HAP1: variants seen among roughly 807,000 people sequenced by gnomAD.
HAP1 encodes the protein huntingtin associated protein 1, also known as huntingtin-associated protein 1.
In HAP1, 59 loss-of-function variants were observed where a neutral mutation model predicts 60.3. The ratio of observed to expected loss-of-function variants is 0.98; its 90% CI spans 0.79 to 1.22. HAP1 has a LOEUF of 1.22. Ranked by LOEUF, HAP1 falls within the 50% of genes most tolerant of loss-of-function variation. The pLI is 0.00. For missense variants in HAP1, 825 were observed against 785.3 expected, an observed-to-expected ratio of 1.05 and a Z score of -0.60; for synonymous variants, 346 against 330.6, an observed-to-expected ratio of 1.05 and a Z score of -0.50.
Position 41,727,829 on chromosome 17 carries a change from G to C in HAP1, c.1208C>G (p.Ala403Gly), listed in dbSNP as rs74691434. ...KLQQRCRMYG[A>G]ETEKLQKQLA... ...CTGCTTCTGCAACTTTTCAGTCTCA[G>C]CCCCATACTGGAAGGACCCAAAACC... Residue 403 changes from alanine (A) to glycine (G), a missense_variant, in exon 8 of 11, where the codon GCT (alanine) becomes GGT (glycine). Transcript: ENST00000347901. 1 of 1,604,932 alleles carries C rather than the reference G, an allele frequency of 6.2e-7. No individual in the cohort carries two copies. Among genetic ancestry groups the C allele is most frequent in the Non-Finnish European group, 8.5e-7 (1 of 1,172,268 alleles).
In HAP1 at chr17:41,732,694, C is replaced by A. The variant is rs199665361; in HGVS notation, c.549+25G>T. The A allele has an allele frequency of 1.3e-4, 210 of 1,569,812 alleles. No individual in the cohort carries two copies. In the African/African-American group the frequency reaches 2.6e-3, roughly 20 times the overall value. ...AGGACAAAACTAGAATAAGGGCTTG[C>A]CTGGATCAGGAAGGCAGTACACACC... is the stretch of plus-strand genomic sequence containing the variant. On this transcript the variant is annotated intron_variant, in intron 2 of 10. Transcript: ENST00000347901.
At chr17:41,733,185 G>A (rs557437860) in intron 1 of HAP1, among the ~76,000 whole-genome samples, 3 of 150,812 alleles carry the variant, frequency 2.0e-5, no homozygotes, top group South Asian at 4.2e-4. Flanking sequence ...CCGAGTAGCT[G>A]GGGTTATACA....
chr17:41,730,605 C>G (rs1208258428), intron 6 of HAP1, among the ~76,000 whole-genome samples: 7 of 152,260 alleles, frequency 4.6e-5, no homozygotes, highest in African/African-American at 1.7e-4. Context: ...GCCTGGGGAC[C>G]AGTGGGGCCA....
At position 41,724,311 on chromosome 17, in the gene HAP1, G is replaced by A. The variant is rs1022001563; in HGVS notation, c.*390C>T. On this transcript the variant is annotated 3_prime_UTR_variant, in exon 11 of 11. Transcript: ENST00000347901. Reference sequence around the variant, plus strand: ...TGGCTGGCCCTGTCCTCCAGCCTGGGTCAGCCCCCGGGCTGCTCCACCATC... The same window carrying A: ...TGGCTGGCCCTGTCCTCCAGCCTGGATCAGCCCCCGGGCTGCTCCACCATC... The A allele has an allele frequency of 1.0e-4, 17 of 164,232 alleles. No homozygotes were observed. The East Asian group carries it at 2.7e-3, about 26-fold the overall frequency. The allele number at this position is 164,232 out of a possible 1,614,324, so 10.2% of individuals were successfully genotyped here.
chr17:41,727,702 G>T, intron 8 of HAP1, 60 bp downstream of exon 8: 1 of 1,142,850 alleles, frequency 8.8e-7, no homozygotes. Flanking sequence ...AGGGCCTGGG[G>T]TCCCCACTCT....
At chr17:41,733,994 G>A (rs1054146420) in intron 1 of HAP1, among the ~76,000 whole-genome samples, 172 bp downstream of exon 1, 2 of 152,194 alleles carry the variant, frequency 1.3e-5, no homozygotes, top group East Asian at 1.9e-4. Flanking sequence ...CAAGAGCAGA[G>A]GAGGAGATGG....
intron 10 of HAP1, 133 bp downstream of exon 10, chr17:41,725,726 A>G: frequency 1.3e-6 from 1 of 748,796 alleles, no homozygotes; most frequent in South Asian, 1.5e-5. Context: ...CCTTCCCAGA[A>G]CAGTTCTCAG....
chr17:41,724,500 G>C lies in HAP1; in HGVS notation c.*201C>G. The C allele has an allele frequency of 1.7e-6, 1 of 589,498 alleles. No homozygotes were observed. The highest frequency in any genetic ancestry group is 3.0e-5 in the Admixed American group (1 of 33,532). 36.5% of individuals were successfully genotyped at this position (589,498 alleles called of 1,614,324 possible). ...GGCACAGTCCCAGCCCTAACCCCCA[G>C]CCCAGCCCCCAGGAGAAAAGTGGAT... is the stretch of plus-strand genomic sequence containing the variant. On this transcript the variant is annotated 3_prime_UTR_variant, in exon 11 of 11. Coordinates refer to ENST00000347901, the MANE Select transcript of HAP1 (RefSeq NM_177977.3).
chr17:41,731,868 G>C (rs1912230090), intron 4 of HAP1, 69 bp downstream of exon 4: 1 of 818,912 alleles, frequency 1.2e-6, no homozygotes. Context: ...CATCACCTGT[G>C]TCCCTCTTAA....
At chr17:41,727,873 G>A (rs1425457998) in intron 7 of HAP1, 37 bp from the exon 8 acceptor site, 67 of 1,299,024 alleles carry the variant, frequency 5.2e-5, no homozygotes, top group East Asian at 6.9e-5. Context: ...CCCATCTGAG[G>A]CCTACCCACT....
downstream of HAP1, among the ~76,000 whole-genome samples, chr17:41,719,336 G>A (rs1488903066): frequency 2.0e-5 from 3 of 152,084 alleles, no homozygotes; most frequent in Non-Finnish European, 2.9e-5. Context: ...ACCATGGATT[G>A]AATGGACCAT....
chr17:41,725,572 C>T (rs2143197605), intron 10 of HAP1, among the ~76,000 whole-genome samples: 1 of 152,320 alleles, frequency 6.6e-6, no homozygotes, highest in South Asian at 2.1e-4. Flanking sequence ...GGGCCTTAGT[C>T]CCAGGTGTTC....
chr17:41,733,025 T>G lies in HAP1; in HGVS notation c.470-227A>C, dbSNP rs540507903. On this transcript the variant is annotated intron_variant, in intron 1 of 10. Coordinates refer to ENST00000347901, the MANE Select transcript of HAP1 (RefSeq NM_177977.3). ...CAAGTGGACAGGGTTTTTAGGTTTTTGGGTTTTTTTTGGTTTTTTTTTTTT... is the reference window on the plus strand; with the variant it reads ...CAAGTGGACAGGGTTTTTAGGTTTTGGGGTTTTTTTTGGTTTTTTTTTTTT... Among the ~76,000 whole-genome samples, 28 of 127,108 alleles carry G rather than the reference T, an allele frequency of 2.2e-4. 1 individual carries two copies. Among genetic ancestry groups the G allele is most frequent in the Admixed American group, 6.7e-4 (8 of 11,904 alleles). The allele number at this position is 127,108 out of a possible 152,430, so 83.4% of individuals were successfully genotyped here.
At chr17:41,726,968 G>A in intron 9 of HAP1, 85 bp downstream of exon 9, 1 of 692,402 alleles carries the variant, frequency 1.4e-6, no homozygotes, top group Non-Finnish European at 2.6e-6. Flanking sequence ...GGGAAGCGTG[G>A]AAGGTCAGAG....
intron 8 of HAP1, 41 bp from the exon 9 acceptor site, chr17:41,727,185 G>A: frequency 9.4e-7 from 1 of 1,061,224 alleles, no homozygotes; most frequent in Middle Eastern, 2.0e-4. Flanking sequence ...GACCCCCACA[G>A]AACCCCCACC....
Position 41,727,035 on chromosome 17 carries a change from A to C in HAP1, c.1367+18T>G. On this transcript the variant is annotated intron_variant, in intron 9 of 10. Transcript: ENST00000347901. ...AAGGCCATGGCCTATGGGGCAAGGG[A>C]GGGCCCCAGCCACGCACCTCTCCAT... The C allele has an allele frequency of 3.6e-5, 46 of 1,286,552 alleles. No homozygotes were observed. Among genetic ancestry groups the C allele is most frequent in the Non-Finnish European group, 5.0e-5 (45 of 900,984 alleles). The allele number at this position is 1,286,552 out of a possible 1,614,324, so 79.7% of individuals were successfully genotyped here.
chr17:41,726,346 G>A (rs915648965), intron 9 of HAP1, among the ~76,000 whole-genome samples: 13 of 151,176 alleles, frequency 8.6e-5, no homozygotes, highest in African/African-American at 2.7e-4. Context: ...CCCAGGAGGC[G>A]GAGGTTGCAG....
At chr17:41,725,424 T>C (rs1229586271) in intron 10 of HAP1, among the ~76,000 whole-genome samples, 1 of 152,146 alleles carries the variant, frequency 6.6e-6, no homozygotes, top group East Asian at 1.9e-4. Context: ...TAACACCCAC[T>C]TCTGCCTCCC....
chr17:41,727,267 G>A, intron 8 of HAP1, 123 bp from the exon 9 acceptor site: 1 of 785,744 alleles, frequency 1.3e-6, no homozygotes, highest in East Asian at 2.4e-5. Context: ...CACAGACGTA[G>A]GAAAGTGGGC....
Sources: gnomAD v4.1 joint callset for allele counts (sites outside exome capture counted in the v4.1 genomes callset) on GRCh38, gnomAD v4.1.1 for gene constraint, MANE v1.5 for transcripts, NCBI Gene and HGNC (gene_info 2026-07-23, HGNC 2026-07-21) for gene names.